The following ZNF438 variants were observed in gnomAD, a reference collection of about 807,000 sequenced individuals.
ZNF438 encodes zinc finger protein 438.
In ZNF438, 25 loss-of-function variants were observed where a neutral mutation model predicts 38.0. The ratio of observed to expected loss-of-function variants is 0.66; its 90% CI spans 0.48 to 0.92. The LOEUF is 0.92. Among genes scored for constraint, ZNF438 ranks in the 40% least tolerant of loss-of-function variants. The pLI, the probability that ZNF438 is intolerant of heterozygous loss-of-function variation, is 0.00. For missense variants in ZNF438, 1,007 were observed against 999.6 expected, an observed-to-expected ratio of 1.01 and a Z score of -0.10; for synonymous variants, 372 against 364.1, an observed-to-expected ratio of 1.02 and a Z score of -0.25.
chr10:30,893,941 A>AC (rs1554835503), intron 3 of ZNF438, among the ~76,000 whole-genome samples: 1 of 152,202 alleles, frequency 6.6e-6, no homozygotes, highest in Non-Finnish European at 1.5e-5. Flanking sequence ...AAACACTGTG[A>AC]CCCTAGCTAA....
intron 3 of ZNF438, among the ~76,000 whole-genome samples, chr10:30,886,766 A>C (rs1387377623): frequency 6.6e-6 from 1 of 152,224 alleles, no homozygotes; most frequent in Non-Finnish European, 1.5e-5. Flanking sequence ...GAGTTGAACT[A>C]AGGTACATCA....
chr10:31,012,486 T>G (rs1206284692), intron 1 of ZNF438, among the ~76,000 whole-genome samples: 1 of 152,190 alleles, frequency 6.6e-6, no homozygotes, highest in Non-Finnish European at 1.5e-5. Flanking sequence ...ATGTATATGT[T>G]TATACACATA....
At chr10:30,879,546 T>G (rs1216184388) in intron 3 of ZNF438, among the ~76,000 whole-genome samples, 1 of 152,150 alleles carries the variant, frequency 6.6e-6, no homozygotes, top group African/African-American at 2.4e-5. Flanking sequence ...TGACATATAT[T>G]AGAATTAGCA....
At chr10:30,910,223 A>ATACTTAAAGT (rs2042944318) in intron 2 of ZNF438, 1 of 152,244 alleles carries the variant, frequency 6.6e-6, no homozygotes, top group African/African-American at 2.4e-5. Context: ...GGAAGAGGAA[A>ATACTTAAAGT]GACCATACTT....
chr10:30,848,575 C>G (rs371598895), exon 5 of ZNF438: 1 of 1,614,198 alleles, frequency 6.2e-7, no homozygotes, highest in Non-Finnish European at 8.5e-7. Context: ...TGTCTCTGTT[C>G]TTTGGTATGT....
intron 1 of ZNF438, among the ~76,000 whole-genome samples, chr10:31,016,828 G>A (rs903704039): frequency 6.6e-5 from 10 of 152,314 alleles, no homozygotes; most frequent in African/African-American, 2.2e-4. Context: ...TAGGGGTTAT[G>A]TGCCTAGCTA....
At chr10:31,022,733 A>G (rs1415113432) in intron 1 of ZNF438, among the ~76,000 whole-genome samples, 1 of 152,216 alleles carries the variant, frequency 6.6e-6, no homozygotes, top group East Asian at 1.9e-4. Flanking sequence ...ACGCTTCGAA[A>G]GCTGAATGCA....
intron 2 of ZNF438, among the ~76,000 whole-genome samples, chr10:30,917,952 T>G (rs764408377): frequency 3.9e-5 from 6 of 152,174 alleles, no homozygotes; most frequent in Admixed American, 1.3e-4. Flanking sequence ...TTTAGTAGTA[T>G]GATTCATCTC....
At chr10:30,880,476 A>T in intron 3 of ZNF438, among the ~76,000 whole-genome samples, 1 of 151,924 alleles carries the variant, frequency 6.6e-6, no homozygotes, top group African/African-American at 2.4e-5. Flanking sequence ...AACAAAAATA[A>T]TGCAAGTCTG....
intron 1 of ZNF438, among the ~76,000 whole-genome samples, chr10:31,009,548 C>A (rs1043806992): frequency 1.3e-5 from 2 of 152,156 alleles, no homozygotes; most frequent in African/African-American, 4.8e-5. Flanking sequence ...TGCTGCACTA[C>A]TCCTAGCTCA....
At chr10:30,980,378 T>C (rs1213583907) in intron 1 of ZNF438, among the ~76,000 whole-genome samples, 3 of 152,096 alleles carry the variant, frequency 2.0e-5, no homozygotes, top group African/African-American at 7.2e-5. Context: ...GACAGTGACT[T>C]ACAATAGGGC....
At chr10:30,914,392 G>C (rs922174695) in intron 2 of ZNF438, among the ~76,000 whole-genome samples, 19 of 151,874 alleles carry the variant, frequency 1.3e-4, no homozygotes, top group Non-Finnish European at 2.2e-4. Context: ...TGTTCATCTT[G>C]ACTGTAGTAG....
intron 3 of ZNF438, among the ~76,000 whole-genome samples, chr10:30,883,731 CAAAA>C (rs1292810011): frequency 6.6e-6 from 1 of 152,018 alleles, no homozygotes; most frequent in African/African-American, 2.4e-5. Context: ...CCCATCTCTA[CAAAA>C]AATACAAAAA....
At chr10:30,989,051 T>C (rs2053168214) in intron 1 of ZNF438, among the ~76,000 whole-genome samples, 1 of 152,184 alleles carries the variant, frequency 6.6e-6, no homozygotes, top group African/African-American at 2.4e-5. Context: ...CAAGTCTACA[T>C]CAAGATGGTA....
At chr10:30,884,183 T>C (rs185359777) in intron 3 of ZNF438, among the ~76,000 whole-genome samples, 74 of 152,328 alleles carry the variant, frequency 4.9e-4, no homozygotes, top group African/African-American at 1.5e-3. Context: ...TGGTATTTCA[T>C]GTAGGACACC....
At chr10:30,969,708 CTTAACATTT>C (rs1358064818) in intron 1 of ZNF438, among the ~76,000 whole-genome samples, 1 of 152,126 alleles carries the variant, frequency 6.6e-6, no homozygotes, top group Non-Finnish European at 1.5e-5. Context: ...ATGAGCACTT[CTTAACATTT>C]TTAACCCATG....
At chr10:30,896,123 A>G (rs964582001) in intron 3 of ZNF438, among the ~76,000 whole-genome samples, 4 of 151,950 alleles carry the variant, frequency 2.6e-5, no homozygotes, top group African/African-American at 7.2e-5. Flanking sequence ...GTGAAACCCC[A>G]TCTCTACTAA....
At chr10:30,921,167 T>G (rs1258398048) in intron 2 of ZNF438, 1 of 152,220 alleles carries the variant, frequency 6.6e-6, no homozygotes, top group Non-Finnish European at 1.5e-5. Context: ...TCATGATAAC[T>G]TATTGCTTTA....
At chr10:31,004,296 G>A (rs980185395) in intron 1 of ZNF438, among the ~76,000 whole-genome samples, 18 of 152,220 alleles carry the variant, frequency 1.2e-4, no homozygotes, top group African/African-American at 4.3e-4. Flanking sequence ...TACACAAAAA[G>A]ATTATATTTA....
Sources: gnomAD v4.1 joint callset for allele counts (sites outside exome capture counted in the v4.1 genomes callset) on GRCh38, gnomAD v4.1.1 for gene constraint, MANE v1.5 for transcripts, NCBI Gene and HGNC (gene_info 2026-07-23, HGNC 2026-07-21) for gene names.